Variants in MAGI2 observed in about 807,000 individuals in gnomAD.
The protein encoded by MAGI2 is membrane-associated guanylate kinase, WW and PDZ domain-containing protein 2.
MAGI2 carries 35 observed loss-of-function variants against 133.3 expected under a neutral mutation model. The observed-to-expected ratio is 0.26, with a 90% CI of 0.20 to 0.35. The LOEUF is 0.35. MAGI2 is among the 10% of genes least tolerant of loss of function. MAGI2 has a pLI of 1.00. For missense variants in MAGI2, 1,636 were observed against 1,863.4 expected (o/e 0.88, Z 2.25); for synonymous variants, 729 against 710.6 (o/e 1.03, Z -0.41).
chr7:78,679,874 A>G (rs1304650559), intron 2 of MAGI2, among the ~76,000 whole-genome samples: 1 of 152,148 alleles, frequency 6.6e-6, no homozygotes, highest in Admixed American at 6.6e-5. Context: ...CATTTTGCCC[A>G]CCACAGAGGC....
Position 78,134,202 on chromosome 7 carries a change from T to G in MAGI2, c.3031+819A>C, listed in dbSNP as rs112728442. 354 of 152,356 alleles carry G rather than the reference T, an allele frequency of 2.3e-3. 1 individual carries two copies. Among genetic ancestry groups the G allele is most frequent in the African/African-American group, 8.2e-3 (341 of 41,576 alleles). 9.4% of individuals were successfully genotyped at this position (152,356 alleles called of 1,614,324 possible). A position where few individuals can be genotyped will look rare whatever the true frequency, so the allele number is the denominator to read the frequency against. ...CTACTGTTTTATATTTAAAGTCAAG[T>G]GGCTGTTTAGCCATTTGCTGCCTAC... On this transcript the variant is annotated intron_variant, in intron 17 of 21. Transcript: ENST00000354212.
At chr7:78,573,031 GTA>G (rs1563187305) in intron 3 of MAGI2, among the ~76,000 whole-genome samples, 1 of 26,388 alleles carries the variant, frequency 3.8e-5, no homozygotes, top group Non-Finnish European at 6.3e-5. Flanking sequence ...ATATGCATAT[GTA>G]TGTATATATA....
intron 1 of MAGI2, among the ~76,000 whole-genome samples, chr7:79,257,248 T>C (rs1833758873): frequency 6.6e-6 from 1 of 152,104 alleles, no homozygotes; most frequent in South Asian, 2.1e-4. Context: ...CACTTCATAA[T>C]TTGTTTTTAA....
chr7:78,882,109 GAAAAGAAAAAC>G (rs1795916226), intron 2 of MAGI2, among the ~76,000 whole-genome samples: 2 of 50,848 alleles, frequency 3.9e-5, no homozygotes, highest in Non-Finnish European at 7.2e-5. Flanking sequence ...AAAAAAAAAA[GAAAAGAAAAAC>G]AAAAAAAAAA....
At chr7:78,559,136 C>CAAAAAAAAAA (rs71085541) in intron 3 of MAGI2, among the ~76,000 whole-genome samples, 2 of 54,744 alleles carry the variant, frequency 3.7e-5, no homozygotes, top group African/African-American at 8.1e-5. Flanking sequence ...TCTGAATTTC[C>CAAAAAAAAAA]AAAAAAAAAA....
At chr7:79,230,958 T>C (rs929764023) in intron 1 of MAGI2, among the ~76,000 whole-genome samples, 11 of 119,546 alleles carry the variant, frequency 9.2e-5, no homozygotes, top group African/African-American at 3.3e-4. Context: ...CCATCTTGAA[T>C]TGATTTTTGT....
intron 2 of MAGI2, among the ~76,000 whole-genome samples, chr7:78,951,687 C>G (rs959755734): frequency 6.6e-6 from 1 of 152,174 alleles, no homozygotes; most frequent in African/African-American, 2.4e-5. Flanking sequence ...ATGTATATCA[C>G]CAAACTTAAC....
In MAGI2 at chr7:78,437,600, G is replaced by T. The variant is rs11973771; in HGVS notation, c.1045+52161C>A. On this transcript the variant is annotated intron_variant, in intron 6 of 21. Coordinates refer to ENST00000354212, the MANE Select transcript of MAGI2 (RefSeq NM_012301.4). ...CAGATGGGAGTCAAGGGTATATGAA[G>T]AGGTAATACCAGCACCAGAGCAGCA... Among the ~76,000 whole-genome samples the T allele has an allele frequency of 5.6e-3, 849 of 152,264 alleles. 11 individuals are homozygous for T. Among genetic ancestry groups the T allele is most frequent in the African/African-American group, 0.018 (768 of 41,568 alleles).
chr7:78,635,093 G>C (rs1370051152), intron 2 of MAGI2, among the ~76,000 whole-genome samples: 3 of 152,128 alleles, frequency 2.0e-5, no homozygotes, highest in African/African-American at 7.2e-5. Context: ...CCTCCTTCAT[G>C]AGTTAATGAA....
intron 1 of MAGI2, chr7:79,125,051 T>C (rs952552993): frequency 4.5e-5 from 10 of 220,256 alleles, no homozygotes; most frequent in African/African-American, 2.3e-4. Context: ...GTGAAAAAGA[T>C]ATTTGTAGGC....
At chr7:79,213,668 T>G (rs1348313518) in intron 1 of MAGI2, among the ~76,000 whole-genome samples, 1 of 152,080 alleles carries the variant, frequency 6.6e-6, no homozygotes, top group Non-Finnish European at 1.5e-5. Flanking sequence ...GTAAAAAATG[T>G]GTATATTGAT....
intron 2 of MAGI2, among the ~76,000 whole-genome samples, chr7:78,898,179 A>C (rs901140321): frequency 2.0e-5 from 3 of 151,900 alleles, no homozygotes; most frequent in Non-Finnish European, 4.4e-5. Context: ...AAAGTCAAAA[A>C]ATAACAGATG....
At chr7:78,429,070 T>C (rs2151426596) in intron 6 of MAGI2, among the ~76,000 whole-genome samples, 1 of 152,296 alleles carries the variant, frequency 6.6e-6, no homozygotes, top group Non-Finnish European at 1.5e-5. Flanking sequence ...AGAGACTGTC[T>C]TCCAAATAAA....
intron 2 of MAGI2, among the ~76,000 whole-genome samples, chr7:78,719,909 A>T (rs1820099666): frequency 6.6e-6 from 1 of 152,186 alleles, no homozygotes; most frequent in Non-Finnish European, 1.5e-5. Flanking sequence ...TAATGTGTGC[A>T]CTAATCTTTC....
At chr7:78,310,606 TAA>T (rs1308850594) in intron 9 of MAGI2, among the ~76,000 whole-genome samples, 4 of 151,818 alleles carry the variant, frequency 2.6e-5, no homozygotes, top group Non-Finnish European at 2.9e-5. Flanking sequence ...TTGGTTGGAG[TAA>T]AGATGCTGGG....
intron 2 of MAGI2, among the ~76,000 whole-genome samples, chr7:78,992,350 T>A (rs1005081224): frequency 6.6e-6 from 1 of 152,072 alleles, no homozygotes; most frequent in Non-Finnish European, 1.5e-5. Context: ...CAGCCACTCA[T>A]GTGTACATAA....
intron 7 of MAGI2, among the ~76,000 whole-genome samples, chr7:78,346,453 A>G (rs540794709): frequency 6.6e-6 from 1 of 152,324 alleles, no homozygotes; most frequent in South Asian, 2.1e-4. Context: ...AACAGGATAA[A>G]TGTGAGGTAA....
chr7:78,660,366 A>G (rs911537980), intron 2 of MAGI2, among the ~76,000 whole-genome samples: 1 of 151,256 alleles, frequency 6.6e-6, no homozygotes, highest in Non-Finnish European at 1.5e-5. Flanking sequence ...AGACAACATT[A>G]TCTTAGGAAA....
At position 79,007,182 on chromosome 7, in the gene MAGI2, C is replaced by T. The variant is rs1231317661; in HGVS notation, c.326G>A (p.Arg109His). 5.0e-6 allele frequency: 8 copies of T among 1,609,018 alleles called. No individual in the cohort carries two copies. The South Asian group carries it at 5.6e-5, about 11-fold the overall frequency. The change falls in exon 2 of 22, where the codon CGT becomes CAT. Residue 109 changes from arginine (R) to histidine (H), a missense_variant. By Grantham distance (29) the Arg-to-His change is conservative. Transcript: ENST00000354212. ...KQGGIVDKDLRHYLNLRFQKG... is the reference protein window; with the variant it reads ...KQGGIVDKDLHHYLNLRFQKG... ...TTGAAATCGTAAGTTGAGGTAGTGA[C>T]GAAGGTCTTTATCAACAATTCCTCC...
Sources: allele counts gnomAD v4.1 joint callset (sites outside exome capture counted in the v4.1 genomes callset), GRCh38; gene constraint gnomAD v4.1.1; transcripts MANE v1.5; gene names NCBI Gene and HGNC (gene_info 2026-07-23, HGNC 2026-07-21).